Variants in ABCA13 observed in about 807,000 individuals in gnomAD.
ABCA13 encodes the protein ATP-binding cassette sub-family A member 13.
Under a neutral mutation model 478.7 loss-of-function variants are expected in ABCA13, and 476 were observed. The ratio of observed to expected loss-of-function variants is 0.99; its 90% CI spans 0.92 to 1.07. The LOEUF is 1.07. Among genes scored for constraint, ABCA13 ranks in the 50% least tolerant of loss-of-function variants. The probability of loss-of-function intolerance (pLI) is 0.00; values close to 1 mark genes in which losing one functional copy is unlikely to be tolerated. For missense variants in ABCA13, 6,060 were observed against 5,910.6 expected, an observed-to-expected ratio of 1.03 and a Z score of -0.83; for synonymous variants, 2,252 against 2,158.9, an observed-to-expected ratio of 1.04 and a Z score of -1.20.
chr7:48,451,329 T>C (rs28589871), intron 42 of ABCA13, among the ~76,000 whole-genome samples: 45,215 of 151,888 alleles, frequency 0.3, 6,810 homozygotes, highest in East Asian at 0.38. Context: ...TTTATGTATG[T>C]GATGAAATTT....
intron 39 of ABCA13, chr7:48,404,212 C>T (rs1277266059): frequency 6.2e-6 from 2 of 322,644 alleles, no homozygotes; most frequent in East Asian, 1.6e-4. Flanking sequence ...TAGGACAAGC[C>T]TCCCTTGTCT....
chr7:48,409,319 T>C (rs10242905), intron 39 of ABCA13, among the ~76,000 whole-genome samples: 17,662 of 152,266 alleles, frequency 0.12, 1,206 homozygotes, highest in Admixed American at 0.19. Flanking sequence ...TGGCCTCTGC[T>C]CTGCTAAAGC....
intron 15 of ABCA13, among the ~76,000 whole-genome samples, chr7:48,264,905 A>G: frequency 6.6e-6 from 1 of 151,826 alleles, no homozygotes; most frequent in South Asian, 2.1e-4. Flanking sequence ...TATGAGTTTA[A>G]TAGATTTATG....
At chr7:48,306,949 A>G (rs1270642968) in intron 23 of ABCA13, among the ~76,000 whole-genome samples, 1 of 152,174 alleles carries the variant, frequency 6.6e-6, no homozygotes, top group African/African-American at 2.4e-5. Flanking sequence ...TTGAAGGCAA[A>G]AAAAGTAAGA....
intron 41 of ABCA13, among the ~76,000 whole-genome samples, chr7:48,415,176 A>G (rs1341497533): frequency 6.6e-6 from 1 of 152,200 alleles, no homozygotes; most frequent in African/African-American, 2.4e-5. Context: ...AACAAGTCCA[A>G]ATATTATATT....
chr7:48,286,754 C>T (rs1019206247), intron 19 of ABCA13, among the ~76,000 whole-genome samples: 18 of 152,158 alleles, frequency 1.2e-4, no homozygotes, highest in African/African-American at 3.9e-4. Flanking sequence ...CTGCCCAACA[C>T]GGCCTCCCAA....
chr7:48,302,282 T>A (rs575693337), intron 23 of ABCA13, among the ~76,000 whole-genome samples: 66 of 152,338 alleles, frequency 4.3e-4, no homozygotes, highest in Non-Finnish European at 7.6e-4. Flanking sequence ...CAATTGGCAT[T>A]GATCTCTGCA....
chr7:48,463,373 C>A (rs1013859901), intron 43 of ABCA13, among the ~76,000 whole-genome samples: 1 of 152,136 alleles, frequency 6.6e-6, no homozygotes, highest in East Asian at 1.9e-4. Context: ...AGGTGGGGAC[C>A]TTTGCTTCCT....
intron 41 of ABCA13, among the ~76,000 whole-genome samples, chr7:48,426,014 T>C (rs1228131919): frequency 1.3e-5 from 2 of 152,228 alleles, no homozygotes; most frequent in Non-Finnish European, 2.9e-5. Context: ...GTGCTGGGAT[T>C]ACAGGCGTGA....
At chr7:48,226,800 C>T (rs1477442490) in intron 5 of ABCA13, among the ~76,000 whole-genome samples, 1 of 152,148 alleles carries the variant, frequency 6.6e-6, no homozygotes, top group African/African-American at 2.4e-5. Context: ...TACTATGGGC[C>T]AGCTGCATTT....
At chr7:48,293,026 C>A (rs531875328) in intron 20 of ABCA13, among the ~76,000 whole-genome samples, 1 of 152,278 alleles carries the variant, frequency 6.6e-6, no homozygotes, top group Non-Finnish European at 1.5e-5. Context: ...AAATGAATGA[C>A]AATAATAGAT....
intron 23 of ABCA13, among the ~76,000 whole-genome samples, chr7:48,299,501 G>C (rs1306024320): frequency 1.3e-5 from 2 of 152,210 alleles, no homozygotes; most frequent in African/African-American, 4.8e-5. Flanking sequence ...AAAGCAGGGG[G>C]CAGTGCTGAA....
intron 13 of ABCA13, among the ~76,000 whole-genome samples, chr7:48,246,491 G>A (rs1473797202): frequency 1.3e-5 from 2 of 152,142 alleles, no homozygotes; most frequent in African/African-American, 2.4e-5. Flanking sequence ...AATGTTGAAC[G>A]ATTTGTTTGG....
At position 48,538,054 on chromosome 7, in the gene ABCA13, C is replaced by CT. The variant is rs555781818; in HGVS notation, c.14354+9716dup. Among the ~76,000 whole-genome samples the CT allele has an allele frequency of 5.1e-3, 753 of 148,098 alleles. 2 individuals carry two copies. Among genetic ancestry groups the CT allele is most frequent in the Middle Eastern group, 0.021 (6 of 280 alleles). On this transcript the variant is annotated intron_variant, in intron 55 of 61. Coordinates refer to ENST00000435803, the MANE Select transcript of ABCA13 (RefSeq NM_152701.5). ...AGTATTTTTATCAAACTTTAGAAGGCTTTTTTTCAGATACTCATTATCTTA... is the reference window on the plus strand; with the variant it reads ...AGTATTTTTATCAAACTTTAGAAGGCTTTTTTTTCAGATACTCATTATCTTA...
chr7:48,455,328 G>C lies in ABCA13; in HGVS notation c.12815+42G>C, dbSNP rs763233850. 15 of 1,565,168 alleles carry C rather than the reference G, an allele frequency of 9.6e-6. No homozygotes were observed. In the Admixed American group the frequency reaches 1.6e-4, roughly 17 times the overall value. ...CCTTTGATTTCGAAATTATGTCGAG[G>C]CAGATTATGAATTGCAATAGCTTCG... On this transcript the variant is annotated intron_variant, in intron 43 of 61. Transcript: ENST00000435803.
chr7:48,440,251 A>G (rs1193529200), intron 42 of ABCA13, among the ~76,000 whole-genome samples: 1 of 152,142 alleles, frequency 6.6e-6, no homozygotes, highest in African/African-American at 2.4e-5. Context: ...GTACTTCAGC[A>G]GGCACCCTCA....
intron 58 of ABCA13, among the ~76,000 whole-genome samples, chr7:48,609,969 T>C (rs1185144874): frequency 6.6e-6 from 1 of 152,214 alleles, no homozygotes; most frequent in Non-Finnish European, 1.5e-5. Context: ...CTAAATCATA[T>C]TATTTCATAA....
At chr7:48,502,400 G>A (rs1830835700) in intron 48 of ABCA13, among the ~76,000 whole-genome samples, 1 of 152,202 alleles carries the variant, frequency 6.6e-6, no homozygotes, top group Non-Finnish European at 1.5e-5. Context: ...ATGGTTTAAG[G>A]TAAGAAAAGG....
intron 3 of ABCA13, among the ~76,000 whole-genome samples, chr7:48,209,168 ATAAATGTAATAT>A (rs1002896028): frequency 1.6e-4 from 24 of 152,080 alleles, no homozygotes; most frequent in African/African-American, 3.9e-4. Flanking sequence ...CTTGGTCATA[ATAAATGTAATAT>A]TAAATGTAAT....
Sources: gnomAD v4.1 joint callset for allele counts (sites outside exome capture counted in the v4.1 genomes callset) on GRCh38, gnomAD v4.1.1 for gene constraint, MANE v1.5 for transcripts, NCBI Gene and HGNC (gene_info 2026-07-23, HGNC 2026-07-21) for gene names.